Variants in FUT8 observed in about 807,000 individuals in gnomAD.
FUT8 encodes the protein alpha-(1,6)-fucosyltransferase.
A neutral mutation model predicts 71.3 loss-of-function variants in FUT8; 29 were observed. The observed-to-expected ratio is 0.41, with a 90% confidence interval of 0.30 to 0.55. The LOEUF (loss-of-function observed/expected upper bound fraction) is 0.55, where lower values mean the gene tolerates loss of function less well. Ranked by LOEUF, FUT8 falls within the 20% of genes least tolerant of loss-of-function variation. The pLI is 0.34. For synonymous variants in FUT8, 254 were observed against 239.3 expected (o/e 1.06, Z -0.57); for missense variants, 544 against 702.1 (o/e 0.77, Z 2.55).
rs1252920729 is a variant in FUT8, at chr14:65,669,429, G to A, written c.784G>A (p.Val262Ile). The A allele has an allele frequency of 1.9e-6, 3 of 1,613,724 alleles. No individual in the cohort carries two copies. The highest frequency in any genetic ancestry group is 2.5e-6 in the Non-Finnish European group (3 of 1,179,788). ...TGGATGGGAGACTGTATTTAGGCCT[G>A]TAAGTGAGACATGCACAGACAGATC... ...TGGWETVFRP[V>I]SETCTDRSGI... The change falls in exon 7 of 11, where the codon GTA (valine) becomes ATA (isoleucine). Residue 262 changes from valine (V) to isoleucine (I), a missense_variant. Val to Ile is a conservative substitution (Grantham distance 29). Coordinates refer to ENST00000673929, the MANE Select transcript of FUT8 (RefSeq NM_001371533.1). The surrounding 1 kb of genome is among the most constrained non-coding windows in gnomAD (Gnocchi z 4.5).
intron 2 of FUT8, among the ~76,000 whole-genome samples, chr14:65,469,868 A>G (rs1298935042): frequency 6.6e-6 from 1 of 152,158 alleles, no homozygotes; most frequent in Non-Finnish European, 1.5e-5. Context: ...CAATTGGTAC[A>G]TCGGTGGCCA....
intron 3 of FUT8, among the ~76,000 whole-genome samples, chr14:65,582,108 C>T (rs912926150): frequency 6.6e-6 from 1 of 152,040 alleles, no homozygotes; most frequent in Non-Finnish European, 1.5e-5. Context: ...AGAGACATAG[C>T]GTGAAAGGAG....
intron 2 of FUT8, among the ~76,000 whole-genome samples, chr14:65,481,448 AT>A (rs553752162): frequency 6.6e-6 from 1 of 150,808 alleles, no homozygotes; most frequent in African/African-American, 2.4e-5. Context: ...ATGGAGTGTG[AT>A]TTTTTTTTAA....
chr14:65,678,480 G>A (rs541835834), intron 7 of FUT8, among the ~76,000 whole-genome samples: 10 of 152,292 alleles, frequency 6.6e-5, no homozygotes, highest in South Asian at 4.1e-4. Flanking sequence ...TAGAGCCATC[G>A]CTGACCCCAG....
intron 2 of FUT8, among the ~76,000 whole-genome samples, chr14:65,551,937 T>C (rs1326265117): frequency 2.0e-5 from 3 of 152,174 alleles, no homozygotes; most frequent in Non-Finnish European, 1.5e-5. Flanking sequence ...TAGTTTCAGC[T>C]CTGCGGTAAA....
the FUT8 span, among the ~76,000 whole-genome samples, chr14:65,392,396 G>T: frequency 6.6e-6 from 1 of 152,198 alleles, no homozygotes; most frequent in Non-Finnish European, 1.5e-5. Context: ...TATGTGCAAG[G>T]CCACAATTAT....
intron 9 of FUT8, among the ~76,000 whole-genome samples, chr14:65,727,526 G>A (rs1244405080): frequency 1.3e-5 from 2 of 152,106 alleles, no homozygotes; most frequent in Non-Finnish European, 2.9e-5. Context: ...GAAGCAGCTG[G>A]GATGCAGGGC....
In FUT8 at chr14:65,437,952, G is replaced by A. The variant is rs957102322; in HGVS notation, c.-325-17669G>A. On this transcript the variant is annotated intron_variant, in intron 1 of 10. Transcript: ENST00000673929. Reference sequence around the variant, plus strand: ...TTGATTTTAAATTATTTCTGCTTTGGTGTTTTCTGTTTGTTGGACATGTTG... The same window carrying A: ...TTGATTTTAAATTATTTCTGCTTTGATGTTTTCTGTTTGTTGGACATGTTG... Among the ~76,000 whole-genome samples, 31 of 152,074 alleles carry A rather than the reference G, an allele frequency of 2.0e-4. 1 individual carries two copies. Among genetic ancestry groups the A allele is most frequent in the African/African-American group, 7.2e-4 (30 of 41,392 alleles).
chr14:65,388,857 C>T, the FUT8 span, among the ~76,000 whole-genome samples: 1 of 152,068 alleles, frequency 6.6e-6, no homozygotes, highest in Admixed American at 6.5e-5. Context: ...AAACACAGTG[C>T]AGCTGAGTGG....
At chr14:65,449,025 A>G (rs2065783501) in intron 1 of FUT8, among the ~76,000 whole-genome samples, 1 of 152,218 alleles carries the variant, frequency 6.6e-6, no homozygotes, top group Admixed American at 6.5e-5. Flanking sequence ...AAACAAGGGA[A>G]TTGATTTTGT....
At chr14:65,516,786 T>A (rs1284360914) in intron 2 of FUT8, among the ~76,000 whole-genome samples, 1 of 152,012 alleles carries the variant, frequency 6.6e-6, no homozygotes, top group Non-Finnish European at 1.5e-5. Flanking sequence ...AAGTATACAG[T>A]TCATTGTTAT....
intron 2 of FUT8, among the ~76,000 whole-genome samples, chr14:65,481,452 T>C (rs1480985126): frequency 6.6e-6 from 1 of 152,224 alleles, no homozygotes; most frequent in African/African-American, 2.4e-5. Flanking sequence ...AGTGTGATTT[T>C]TTTTTAAAAC....
At chr14:65,500,004 C>T (rs1230802896) in intron 2 of FUT8, among the ~76,000 whole-genome samples, 1 of 152,128 alleles carries the variant, frequency 6.6e-6, no homozygotes, top group African/African-American at 2.4e-5. Flanking sequence ...CACATACACA[C>T]TTAACGCCCC....
the FUT8 span, among the ~76,000 whole-genome samples, chr14:65,358,988 A>G: frequency 6.6e-6 from 1 of 152,192 alleles, no homozygotes; most frequent in Admixed American, 6.5e-5. Flanking sequence ...ACAATAACTA[A>G]TAATTATTCT....
chr14:65,541,424 C>G (rs1455058014), intron 2 of FUT8, among the ~76,000 whole-genome samples: 1 of 152,192 alleles, frequency 6.6e-6, no homozygotes, highest in East Asian at 1.9e-4. Context: ...AACCCAAGGT[C>G]TAAGTCTCAG....
At chr14:65,565,539 T>C (rs113859297) in intron 3 of FUT8, among the ~76,000 whole-genome samples, 1 of 152,018 alleles carries the variant, frequency 6.6e-6, no homozygotes, top group African/African-American at 2.4e-5. Flanking sequence ...GTGGAACTGC[T>C]GGGTCATATG....
upstream of FUT8, chr14:65,411,728 C>A (rs2065126092): frequency 3.4e-6 from 1 of 294,744 alleles, no homozygotes; most frequent in African/African-American, 2.3e-5. Context: ...GCGCCCCAGG[C>A]TTGGGATCTG....
intron 1 of FUT8, among the ~76,000 whole-genome samples, chr14:65,439,954 G>GTGTATA: frequency 0.01 from 772 of 74,884 alleles, 21 homozygotes; most frequent in African/African-American, 0.032. Flanking sequence ...GTGTGTGTGT[G>GTGTATA]TATATATATA....
chr14:65,537,157 T>A (rs1884372032), intron 2 of FUT8, among the ~76,000 whole-genome samples: 1 of 151,938 alleles, frequency 6.6e-6, no homozygotes, highest in Admixed American at 6.6e-5. Context: ...TTGTATCATT[T>A]TATTGTGCTT....
Sources: gnomAD v4.1 joint callset for allele counts (sites outside exome capture counted in the v4.1 genomes callset) on GRCh38, gnomAD v4.1.1 for gene constraint, Gnocchi (gnomAD v3.1) non-coding constraint, MANE v1.5 for transcripts, NCBI Gene and HGNC (gene_info 2026-07-23, HGNC 2026-07-21) for gene names.